Variants in MGAT5 observed in about 807,000 individuals in gnomAD.
MGAT5 encodes alpha-1,6-mannosylglycoprotein 6-beta-N-acetylglucosaminyltransferase.
A neutral mutation model predicts 94.3 loss-of-function variants in MGAT5; 30 were observed. The ratio of observed to expected loss-of-function variants is 0.32; its 90% CI spans 0.24 to 0.43. The LOEUF is 0.43. MGAT5 is among the 20% of genes least tolerant of loss of function. The probability of loss-of-function intolerance (pLI) is 1.00; values close to 1 mark genes in which losing one functional copy is unlikely to be tolerated. For synonymous variants in MGAT5, 310 were observed against 322.9 expected (o/e 0.96, Z 0.43); for missense variants, 691 against 905.5 (o/e 0.76, Z 3.04).
chr2:134,233,481 AT>A (rs111344718), intron 1 of MGAT5, among the ~76,000 whole-genome samples: 2,062 of 152,188 alleles, frequency 0.014, 54 homozygotes, highest in African/African-American at 0.047. Flanking sequence ...CACTTGGTGC[AT>A]TTTTTTTATG....
At chr2:134,394,352 T>C (rs1317532850) in intron 10 of MGAT5, among the ~76,000 whole-genome samples, 1 of 152,222 alleles carries the variant, frequency 6.6e-6, no homozygotes, top group East Asian at 1.9e-4. Context: ...CTTTTTGAAA[T>C]TAATTTTAAG....
At chr2:134,336,495 C>T (rs576944155) in intron 5 of MGAT5, among the ~76,000 whole-genome samples, 2 of 152,162 alleles carry the variant, frequency 1.3e-5, no homozygotes, top group South Asian at 4.2e-4. Flanking sequence ...CTGAGGGTTC[C>T]TGAATGATAG....
chr2:134,187,186 C>T (rs1240161683), intron 1 of MGAT5, among the ~76,000 whole-genome samples: 1 of 152,160 alleles, frequency 6.6e-6, no homozygotes, highest in Admixed American at 6.5e-5. Flanking sequence ...ATTTGGGTTC[C>T]ATCATGATTA....
At chr2:134,217,931 C>A (rs566528823) in intron 1 of MGAT5, among the ~76,000 whole-genome samples, 1 of 152,258 alleles carries the variant, frequency 6.6e-6, no homozygotes, top group East Asian at 1.9e-4. Flanking sequence ...AATTGAGATT[C>A]TTTGAGAGCT....
At chr2:134,237,428 C>T (rs1487662262) in intron 1 of MGAT5, among the ~76,000 whole-genome samples, 3 of 151,928 alleles carry the variant, frequency 2.0e-5, no homozygotes, top group African/African-American at 7.3e-5. Context: ...AGATATAAAC[C>T]AAACCTGCAA....
intron 1 of MGAT5, among the ~76,000 whole-genome samples, chr2:134,120,819 G>T (rs1213733390): frequency 2.6e-5 from 4 of 151,892 alleles, no homozygotes; most frequent in Non-Finnish European, 5.9e-5. Context: ...CTGGCCCCGA[G>T]CCCCTAGGGA....
intron 1 of MGAT5, among the ~76,000 whole-genome samples, chr2:134,187,711 A>C (rs1461065372): frequency 6.6e-6 from 1 of 152,254 alleles, no homozygotes; most frequent in African/African-American, 2.4e-5. Context: ...TGCAGGCAGC[A>C]AATGTTCAAA....
chr2:134,163,618 T>C (rs1687836547), intron 1 of MGAT5, among the ~76,000 whole-genome samples: 1 of 152,234 alleles, frequency 6.6e-6, no homozygotes, highest in Non-Finnish European at 1.5e-5. Context: ...TGTCCAGGAC[T>C]GGATGATTGT....
chr2:134,327,562 A>G (rs1367002635), intron 4 of MGAT5, among the ~76,000 whole-genome samples: 2 of 152,262 alleles, frequency 1.3e-5, no homozygotes, highest in African/African-American at 2.4e-5. Flanking sequence ...AGCCCTGGGC[A>G]TGATGGAGCA....
chr2:134,364,654 T>C (rs1400730523), intron 10 of MGAT5, among the ~76,000 whole-genome samples: 1 of 152,184 alleles, frequency 6.6e-6, no homozygotes, highest in Non-Finnish European at 1.5e-5. Flanking sequence ...TTATAAAAGG[T>C]TGGGTTGCAG....
At chr2:134,247,370 A>C (rs553837621) in intron 1 of MGAT5, among the ~76,000 whole-genome samples, 7 of 148,812 alleles carry the variant, frequency 4.7e-5, no homozygotes, top group Admixed American at 2.0e-4. Flanking sequence ...AAAAAAAAAA[A>C]AAAACAAAAA....
At chr2:134,436,715 A>C (rs1436215974) in intron 14 of MGAT5, among the ~76,000 whole-genome samples, 1 of 152,164 alleles carries the variant, frequency 6.6e-6, no homozygotes, top group Non-Finnish European at 1.5e-5. Flanking sequence ...GGGCACAGGC[A>C]GCTCTTCCAA....
At chr2:134,200,383 C>G (rs1229199206) in intron 1 of MGAT5, among the ~76,000 whole-genome samples, 2 of 152,224 alleles carry the variant, frequency 1.3e-5, no homozygotes, top group Non-Finnish European at 2.9e-5. Flanking sequence ...GGAAATTTCT[C>G]TCATGTCTGC....
intron 4 of MGAT5, among the ~76,000 whole-genome samples, chr2:134,332,762 A>C (rs1261480884): frequency 1.3e-5 from 2 of 152,208 alleles, no homozygotes; most frequent in Non-Finnish European, 2.9e-5. Context: ...ACCCCATCAA[A>C]AAGTGGGCGA....
rs547317363 is a variant in MGAT5, at chr2:134,332,389, A to G, written c.574-3828A>G. Among the ~76,000 whole-genome samples the G allele has an allele frequency of 1.8e-4, 27 of 150,916 alleles. No individual in the cohort carries two copies. The South Asian group carries it at 4.8e-3, about 27-fold the overall frequency. On this transcript the variant is annotated intron_variant, in intron 4 of 15. Transcript: ENST00000281923. ...CTGGGAAAACTGGCTAGCCATATGTAGAAAGCTGAAACTGGATCCCTTCCT... is the reference window on the plus strand; with the variant it reads ...CTGGGAAAACTGGCTAGCCATATGTGGAAAGCTGAAACTGGATCCCTTCCT...
At position 134,254,254 on chromosome 2, in the gene MGAT5, C is replaced by T. The variant is rs1682796695; in HGVS notation, c.-150C>T. The T allele has an allele frequency of 1.1e-6, 1 of 903,850 alleles. No homozygotes were observed. Among genetic ancestry groups the T allele is most frequent in the African/African-American group, 1.7e-5 (1 of 59,790 alleles). 56.0% of individuals were successfully genotyped at this position (903,850 alleles called of 1,614,324 possible). A position where few individuals can be genotyped will look rare whatever the true frequency, so the allele number is the denominator to read the frequency against. On this transcript the variant is annotated 5_prime_UTR_variant, in exon 1 of 16. Coordinates refer to ENST00000281923, the MANE Select transcript of MGAT5 (RefSeq NM_002410.5). ...GACCACTTGGCTAATTCTTCTCCTCCTTCACAGCAGAATGGAAGTGAGGAA... is the reference window on the plus strand; with the variant it reads ...GACCACTTGGCTAATTCTTCTCCTCTTTCACAGCAGAATGGAAGTGAGGAA...
chr2:134,189,136 A>G (rs1320521064), intron 1 of MGAT5, among the ~76,000 whole-genome samples: 5 of 152,206 alleles, frequency 3.3e-5, no homozygotes, highest in Non-Finnish European at 5.9e-5. Flanking sequence ...GTTTCGTTAC[A>G]TAGGCAGGAT....
intron 1 of MGAT5, among the ~76,000 whole-genome samples, chr2:134,231,665 T>C (rs1681369291): frequency 6.6e-6 from 1 of 152,202 alleles, no homozygotes; most frequent in Non-Finnish European, 1.5e-5. Context: ...GTTCTTTTAA[T>C]AGAAATGTTA....
At chr2:134,198,989 C>A (rs556967962) in intron 1 of MGAT5, among the ~76,000 whole-genome samples, 1 of 152,302 alleles carries the variant, frequency 6.6e-6, no homozygotes, top group South Asian at 2.1e-4. Flanking sequence ...TCTTGTGGCA[C>A]ATTGTCTTAA....
Sources: allele counts gnomAD v4.1 joint callset (sites outside exome capture counted in the v4.1 genomes callset), GRCh38; gene constraint gnomAD v4.1.1; transcripts MANE v1.5; gene names NCBI Gene and HGNC (gene_info 2026-07-23, HGNC 2026-07-21).